NUP58: variants seen among roughly 807,000 people sequenced by gnomAD.
The protein encoded by NUP58 is nucleoporin 58.
In NUP58, 17 loss-of-function variants were observed where a neutral mutation model predicts 70.1. The ratio of observed to expected loss-of-function variants is 0.24; its 90% confidence interval spans 0.17 to 0.36. The LOEUF is 0.36. NUP58 is among the 10% of genes least tolerant of loss of function. The probability of loss-of-function intolerance (pLI) is 1.00; values close to 1 mark genes in which losing one functional copy is unlikely to be tolerated. For missense variants in NUP58, 644 were observed against 701.5 expected, an observed-to-expected ratio of 0.92 and a Z score of 0.93; for synonymous variants, 275 against 257.6, an observed-to-expected ratio of 1.07 and a Z score of -0.65.
intron 1 of NUP58, among the ~76,000 whole-genome samples, chr13:25,302,227 A>G (rs890934855): frequency 1.3e-5 from 2 of 152,260 alleles, no homozygotes; most frequent in Non-Finnish European, 2.9e-5. Context: ...TAGAATGAAC[A>G]TTGAATGAAT....
Position 25,324,989 on chromosome 13 carries a change from G to A in NUP58, c.952G>A (p.Glu318Lys). ...IDKLKIETAQELKNAEIALRT... is the reference protein window; with the variant it reads ...IDKLKIETAQKLKNAEIALRT... ...TTTTTTAAATCCTCTGGTATATTAGGAGTTGAAGAATGCTGAAATAGCTTT... is the reference window on the plus strand; with the variant it reads ...TTTTTTAAATCCTCTGGTATATTAGAAGTTGAAGAATGCTGAAATAGCTTT... The change falls in exon 10 of 16, where the codon GAG (glutamate) becomes AAG (lysine). Residue 318 changes from glutamate to lysine, a missense_variant and splice_region_variant. By Grantham distance (56) the Glu-to-Lys change is moderately conservative. This residue lies in a region of NUP58 where 430 missense variants were observed against 409.2 expected (regional missense o/e 1.05). Transcript: ENST00000381736. 2.5e-6 allele frequency: 4 copies of A among 1,572,574 alleles called. No individual in the cohort carries two copies. Among genetic ancestry groups the A allele is most frequent in the Non-Finnish European group, 3.5e-6 (4 of 1,152,240 alleles).
chr13:25,341,011 C>T lies in NUP58; in HGVS notation c.*877C>T, dbSNP rs2031939360. 1 of 152,142 alleles carries T rather than the reference C, an allele frequency of 6.6e-6. No individual in the cohort carries two copies. The highest frequency in any genetic ancestry group is 2.4e-5 in the African/African-American group (1 of 41,430). 9.4% of individuals were successfully genotyped at this position (152,142 alleles called of 1,614,324 possible). A position where few individuals can be genotyped will look rare whatever the true frequency, so the allele number is the denominator to read the frequency against. ...TTTTCTAAGGGTATTCAAGTTTTCA[C>T]CTTTTAAGCTTCATATCCTCAGTGC... is the stretch of plus-strand genomic sequence containing the variant. On this transcript the variant is annotated 3_prime_UTR_variant, in exon 16 of 16. Coordinates refer to ENST00000381736, the MANE Select transcript of NUP58 (RefSeq NM_014089.4).
chr13:25,348,166 T>A (rs983941007), intron 3 of NUP58, among the ~76,000 whole-genome samples: 3 of 152,208 alleles, frequency 2.0e-5, no homozygotes, highest in Non-Finnish European at 1.5e-5. Context: ...GACACACCAT[T>A]CAAATATTGG....
chr13:25,310,236 T>A (rs865778559), intron 3 of NUP58, among the ~76,000 whole-genome samples: 765 of 72,474 alleles, frequency 0.011, 9 homozygotes, highest in African/African-American at 0.026. Context: ...TTTTTTTTTT[T>A]AGAGACGGAA....
At chr13:25,315,092 T>C (rs1217258520) in intron 5 of NUP58, among the ~76,000 whole-genome samples, 1 of 152,222 alleles carries the variant, frequency 6.6e-6, no homozygotes, top group East Asian at 1.9e-4. Flanking sequence ...CAAGTGAAGA[T>C]TGAGTGCCTA....
intron 13 of NUP58, chr13:25,334,572 A>G: frequency 1.0e-6 from 1 of 985,212 alleles, no homozygotes; most frequent in Non-Finnish European, 1.2e-6. Flanking sequence ...AATCAGTAAG[A>G]GTAAAATTTT....
intron 1 of NUP58, among the ~76,000 whole-genome samples, chr13:25,305,147 T>TTTTTGTTTG (rs1566055078): frequency 1.6e-5 from 2 of 125,840 alleles, no homozygotes; most frequent in African/African-American, 6.4e-5. Flanking sequence ...TTTTTTTTTT[T>TTTTTGTTTG]TTTTTTTTTT....
At position 25,301,676 on chromosome 13, in the gene NUP58, G is replaced by T; in HGVS notation, c.-98G>T. ...TGGAAGTTCCCGCCAGGTCCGTGCC[G>T]GGCGAGAGAGATGCTGCCCGGCCCG... On this transcript the variant is annotated 5_prime_UTR_variant, in exon 1 of 16. Transcript: ENST00000381736. 1.7e-6 allele frequency: 1 copy of T among 604,868 alleles called. No individual in the cohort carries two copies. 37.5% of individuals were successfully genotyped at this position (604,868 alleles called of 1,614,324 possible).
At chr13:25,311,263 G>GTA (rs2030651165) in intron 3 of NUP58, among the ~76,000 whole-genome samples, 1 of 152,140 alleles carries the variant, frequency 6.6e-6, no homozygotes, top group Non-Finnish European at 1.5e-5. Context: ...GGAAAGGGAG[G>GTA]TATATGTCGT....
At chr13:25,310,543 G>A (rs199817791) in intron 3 of NUP58, among the ~76,000 whole-genome samples, 1 of 10,252 alleles carries the variant, frequency 9.8e-5, no homozygotes, top group Non-Finnish European at 3.7e-4. Flanking sequence ...TTTTTTTTTT[G>A]GTAGAGACAA....
intron 1 of NUP58, among the ~76,000 whole-genome samples, chr13:25,307,358 G>A (rs548600608): frequency 2.4e-4 from 37 of 151,694 alleles, no homozygotes; most frequent in Middle Eastern, 6.8e-3. Context: ...AATTACAGGC[G>A]TGTGCCACCA....
intron 8 of NUP58, 66 bp downstream of exon 8, chr13:25,320,661 A>T: frequency 1.7e-6 from 2 of 1,191,986 alleles, no homozygotes; most frequent in South Asian, 1.3e-5. Flanking sequence ...TAAGGGGAGC[A>T]TCTCTTCCTC....
At chr13:25,324,115 G>A (rs1415916289) in intron 9 of NUP58, among the ~76,000 whole-genome samples, 2 of 151,866 alleles carry the variant, frequency 1.3e-5, no homozygotes, top group African/African-American at 4.8e-5. Flanking sequence ...AGGTAGCAGG[G>A]GTCAGAGTCT....
At chr13:25,328,012 A>G (rs1367731384) in intron 12 of NUP58, among the ~76,000 whole-genome samples, 1 of 152,076 alleles carries the variant, frequency 6.6e-6, no homozygotes, top group Non-Finnish European at 1.5e-5. Flanking sequence ...CAGCCTGGCC[A>G]ATATGGTGAA....
At position 25,332,269 on chromosome 13, in the gene NUP58, C is replaced by T. The variant is rs1054944214; in HGVS notation, c.1435+711C>T. The T allele has an allele frequency of 8.1e-6, 8 of 985,338 alleles. No homozygotes were observed. In the Admixed American group the frequency reaches 3.7e-4, roughly 45 times the overall value. 61.0% of individuals were successfully genotyped at this position (985,338 alleles called of 1,614,324 possible). A position where few individuals can be genotyped will look rare whatever the true frequency, so the allele number is the denominator to read the frequency against. ...ACATGGAAAGCAGATTGTTTTATTT[C>T]TTGGTTTAGTTACACTTCTAATTAG... On this transcript the variant is annotated intron_variant, in intron 13 of 15. Transcript: ENST00000381736.
intron 3 of NUP58, among the ~76,000 whole-genome samples, chr13:25,311,251 T>C (rs1442750791): frequency 6.6e-6 from 1 of 152,072 alleles, no homozygotes; most frequent in Non-Finnish European, 1.5e-5. Context: ...TGGGACCAGA[T>C]AGGAAAGGGA....
intron 11 of NUP58, 126 bp downstream of exon 11, chr13:25,327,160 C>A: frequency 1.6e-6 from 1 of 612,082 alleles, no homozygotes; most frequent in Non-Finnish European, 2.9e-6. Flanking sequence ...AAGTCATTTA[C>A]TACTCCTTTA....
chr13:25,304,521 T>G (rs2030214298), intron 1 of NUP58, among the ~76,000 whole-genome samples: 1 of 53,396 alleles, frequency 1.9e-5, no homozygotes, highest in African/African-American at 6.1e-5. Context: ...TATATATGTA[T>G]TTTTTTTTTT....
At chr13:25,332,502 G>C (rs894800992) in intron 13 of NUP58, 28 of 983,792 alleles carry the variant, frequency 2.8e-5, no homozygotes, top group Non-Finnish European at 3.4e-5. Context: ...CTTTCTGAGA[G>C]TTCCATATAG....
Sources: allele counts gnomAD v4.1 joint callset (sites outside exome capture counted in the v4.1 genomes callset), GRCh38; gene constraint gnomAD v4.1.1; regional missense constraint gnomAD v4.1.1; transcripts MANE v1.5; gene names NCBI Gene and HGNC (gene_info 2026-07-23, HGNC 2026-07-21).